CDH13: variants seen among roughly 807,000 people sequenced by gnomAD.
CDH13 encodes cadherin 13, also known as cadherin-13.
CDH13 carries 24 observed loss-of-function variants against 63.8 expected under a neutral mutation model. The observed-to-expected ratio is 0.38, with a 90% confidence interval of 0.27 to 0.53. CDH13 has a LOEUF of 0.53. CDH13 is among the 20% of genes least tolerant of loss of function. CDH13 has a pLI of 0.85. For missense variants in CDH13, 1,049 were observed against 903.1 expected, an observed-to-expected ratio of 1.16 and a Z score of -2.07; for synonymous variants, 503 against 355.3, an observed-to-expected ratio of 1.42 and a Z score of -4.67.
intron 3 of CDH13, among the ~76,000 whole-genome samples, chr16:83,034,763 A>G (rs1916694764): frequency 6.6e-6 from 1 of 152,166 alleles, no homozygotes; most frequent in East Asian, 1.9e-4. Flanking sequence ...GACCAACCCC[A>G]CCTTGAGGGC....
chr16:83,330,135 G>A lies in CDH13; in HGVS notation c.637-14727G>A, dbSNP rs562628896. On this transcript the variant is annotated intron_variant, in intron 5 of 13. Coordinates refer to ENST00000567109, the MANE Select transcript of CDH13 (RefSeq NM_001257.5). ...TGAATTATTATGTATCTGGACTGTG[G>A]TGGTGGATACAAGAACCTGCACATG... Among the ~76,000 whole-genome samples, 3 of 152,270 alleles carry A rather than the reference G, an allele frequency of 2.0e-5. No individual in the cohort carries two copies. The East Asian group carries it at 5.8e-4, about 29-fold the overall frequency.
intron 1 of CDH13, among the ~76,000 whole-genome samples, chr16:82,763,745 C>T (rs942270762): frequency 2.0e-5 from 3 of 152,170 alleles, no homozygotes; most frequent in Non-Finnish European, 2.9e-5. Context: ...GCACAGTGTG[C>T]GATCACAGCT....
intron 10 of CDH13, chr16:83,710,392 G>A (rs1405612884): frequency 6.6e-6 from 1 of 152,230 alleles, no homozygotes; most frequent in Non-Finnish European, 1.5e-5. Flanking sequence ...GGGCAAAAGT[G>A]CCTTATGACT....
chr16:82,890,527 T>C (rs193097866), intron 2 of CDH13, among the ~76,000 whole-genome samples: 1 of 152,298 alleles, frequency 6.6e-6, no homozygotes, highest in East Asian at 1.9e-4. Flanking sequence ...ATGAAATTAT[T>C]CCATCAGGAT....
chr16:83,769,744 G>A (rs147800860), intron 11 of CDH13, among the ~76,000 whole-genome samples: 1 of 152,258 alleles, frequency 6.6e-6, no homozygotes, highest in Non-Finnish European at 1.5e-5. Flanking sequence ...GCTTTGATCT[G>A]CAAATTGACT....
At chr16:82,723,588 A>C (rs531546611) in intron 1 of CDH13, among the ~76,000 whole-genome samples, 1 of 152,296 alleles carries the variant, frequency 6.6e-6, no homozygotes, top group African/African-American at 2.4e-5. Flanking sequence ...CAGTGGAGCC[A>C]CAAGATGGAA....
At chr16:83,754,565 G>A (rs144873311) in intron 11 of CDH13, among the ~76,000 whole-genome samples, 1 of 152,182 alleles carries the variant, frequency 6.6e-6, no homozygotes, top group African/African-American at 2.4e-5. Context: ...GAGGGACCCA[G>A]TGGGAGATAA....
intron 4 of CDH13, among the ~76,000 whole-genome samples, chr16:83,143,330 T>C (rs1166874227): frequency 1.3e-5 from 2 of 152,182 alleles, no homozygotes; most frequent in African/African-American, 2.4e-5. Flanking sequence ...AGAAAAAATA[T>C]TTAGGAAAGT....
At chr16:83,111,553 G>T (rs1330520198) in intron 3 of CDH13, among the ~76,000 whole-genome samples, 2 of 152,194 alleles carry the variant, frequency 1.3e-5, no homozygotes, top group Non-Finnish European at 2.9e-5. Context: ...CTTCAGGAGA[G>T]CAGATCATGG....
At chr16:82,720,198 G>A (rs1013391504) in intron 1 of CDH13, among the ~76,000 whole-genome samples, 3 of 152,110 alleles carry the variant, frequency 2.0e-5, no homozygotes, top group Non-Finnish European at 4.4e-5. Context: ...GTTAAATCAA[G>A]GAATAAAGGT....
chr16:83,216,096 T>C (rs1055826933), intron 4 of CDH13, among the ~76,000 whole-genome samples: 2 of 151,856 alleles, frequency 1.3e-5, no homozygotes, highest in Admixed American at 1.3e-4. Context: ...CTTGTCTGCC[T>C]GCTGCCTTTG....
chr16:83,480,742 G>T (rs74032575), intron 6 of CDH13, among the ~76,000 whole-genome samples: 1 of 152,134 alleles, frequency 6.6e-6, no homozygotes, highest in Non-Finnish European at 1.5e-5. Flanking sequence ...GAACTATCTG[G>T]TTCTCATTTG....
rs142239074 is a variant in CDH13, at chr16:83,027,040, C to T, written c.158-4970C>T. 5.9e-3 allele frequency among the ~76,000 whole-genome samples: 898 copies of T among 151,588 alleles called. 5 individuals carry two copies. The highest frequency in any genetic ancestry group is 0.01 in the Non-Finnish European group (704 of 67,896). On this transcript the variant is annotated intron_variant, in intron 2 of 13. Transcript: ENST00000567109. ...GTTCAATGAAATCAAGAGGTCACTA[C>T]GGGCCTCTTATCCCAATTCACAGCC...
At chr16:83,079,638 A>G (rs2033101951) in intron 3 of CDH13, among the ~76,000 whole-genome samples, 1 of 152,230 alleles carries the variant, frequency 6.6e-6, no homozygotes, top group African/African-American at 2.4e-5. Flanking sequence ...CATTGTTACC[A>G]TTATCCTTGC....
chr16:82,707,760 A>T (rs779065000), intron 1 of CDH13, among the ~76,000 whole-genome samples: 36 of 152,210 alleles, frequency 2.4e-4, no homozygotes, highest in Non-Finnish European at 4.6e-4. Flanking sequence ...GTAGGTGAAG[A>T]CGTGTATCTC....
rs111228395 is a variant in CDH13 at position 83,168,693 on chromosome 16, A to G, written c.483+43192A>G. ...CTTTTACTTCTATTTTTTTCTATCC[A>G]TATGAGTATAATTAAATACATATTC... On this transcript the variant is annotated intron_variant, in intron 4 of 13. Transcript: ENST00000567109. Among the ~76,000 whole-genome samples the G allele has an allele frequency of 3.2e-4, 49 of 152,284 alleles. 1 individual carries two copies. The highest frequency in any genetic ancestry group is 1.1e-3 in the African/African-American group (45 of 41,588).
chr16:83,050,394 A>G (rs1468852804), intron 3 of CDH13, among the ~76,000 whole-genome samples: 1 of 152,118 alleles, frequency 6.6e-6, no homozygotes, highest in African/African-American at 2.4e-5. Flanking sequence ...CAGCTGAACC[A>G]CTTTAATTCC....
At chr16:82,651,604 C>G (rs1310870616) in intron 1 of CDH13, among the ~76,000 whole-genome samples, 3 of 152,134 alleles carry the variant, frequency 2.0e-5, no homozygotes, top group South Asian at 4.1e-4. Flanking sequence ...TGTAATAACC[C>G]TATTAGGGAG....
At chr16:83,198,391 G>A (rs763824537) in intron 4 of CDH13, among the ~76,000 whole-genome samples, 5 of 151,640 alleles carry the variant, frequency 3.3e-5, no homozygotes, top group Non-Finnish European at 5.9e-5. Flanking sequence ...TGGGGACTAA[G>A]CATCCAAAGC....
Sources: allele counts gnomAD v4.1 joint callset (sites outside exome capture counted in the v4.1 genomes callset), GRCh38; gene constraint gnomAD v4.1.1; transcripts MANE v1.5; gene names NCBI Gene and HGNC (gene_info 2026-07-23, HGNC 2026-07-21).